Variants in SDK1 observed in about 807,000 individuals in gnomAD.
The protein encoded by SDK1 is protein sidekick-1.
Under a neutral mutation model 245.5 loss-of-function variants are expected in SDK1, and 157 were observed. The observed-to-expected ratio is 0.64, with a 90% confidence interval of 0.56 to 0.73. The LOEUF is 0.73. Among genes scored for constraint, SDK1 ranks in the 30% least tolerant of loss-of-function variants. The pLI, the probability that SDK1 is intolerant of heterozygous loss-of-function variation, is 0.00. For synonymous variants in SDK1, 1,647 were observed against 1,278.5 expected (o/e 1.29, Z -6.15); for missense variants, 3,583 against 3,002.3 (o/e 1.19, Z -4.52).
At chr7:3,435,474 G>A (rs1779995720) in intron 1 of SDK1, among the ~76,000 whole-genome samples, 1 of 150,934 alleles carries the variant, frequency 6.6e-6, no homozygotes, top group African/African-American at 2.4e-5. Flanking sequence ...GGGACTACAG[G>A]CACAGACAGT....
intron 4 of SDK1, among the ~76,000 whole-genome samples, chr7:3,697,023 ATATAC>A (rs1784594244): frequency 6.6e-6 from 1 of 152,184 alleles, no homozygotes; most frequent in African/African-American, 2.4e-5. Context: ...CTTGAATGAG[ATATAC>A]TCTCTCAGGT....
intron 1 of SDK1, among the ~76,000 whole-genome samples, chr7:3,351,514 G>T (rs991378528): frequency 2.6e-5 from 4 of 151,950 alleles, no homozygotes; most frequent in Admixed American, 6.6e-5. Context: ...ACGTCAGATT[G>T]GATTAAAAAC....
intron 38 of SDK1, among the ~76,000 whole-genome samples, chr7:4,211,136 G>C (rs1263698096): frequency 1.3e-5 from 2 of 152,112 alleles, no homozygotes; most frequent in African/African-American, 4.8e-5. Flanking sequence ...AGGATCCCTC[G>C]GGCCCAATCC....
At chr7:4,022,430 C>A (rs974110810) in intron 17 of SDK1, among the ~76,000 whole-genome samples, 1 of 152,104 alleles carries the variant, frequency 6.6e-6, no homozygotes, top group African/African-American at 2.4e-5. Context: ...TCCGAATGCC[C>A]GGGAAAGATG....
At chr7:4,208,330 G>C (rs533990735) in intron 37 of SDK1, 45 bp downstream of exon 37, 3 of 1,570,222 alleles carry the variant, frequency 1.9e-6, no homozygotes, top group Non-Finnish European at 2.6e-6. Context: ...CCTTGGACAC[G>C]TGTTTTGAGA....
At chr7:4,250,454 A>G (rs1562481561) in intron 44 of SDK1, among the ~76,000 whole-genome samples, 1 of 151,896 alleles carries the variant, frequency 6.6e-6, no homozygotes, top group Non-Finnish European at 1.5e-5. Flanking sequence ...AGCAATTCTC[A>G]TGCCTCGGCT....
chr7:4,250,813 T>C (rs764458114), intron 44 of SDK1, among the ~76,000 whole-genome samples: 2 of 152,212 alleles, frequency 1.3e-5, no homozygotes, highest in South Asian at 2.1e-4. Flanking sequence ...TCATATATCA[T>C]ATAATTTGCC....
chr7:3,797,458 T>TACACACACAC (rs34376723), intron 4 of SDK1, among the ~76,000 whole-genome samples: 4 of 147,494 alleles, frequency 2.7e-5, no homozygotes, highest in South Asian at 2.2e-4. Context: ...GGGGTGTGTA[T>TACACACACAC]ACACACACAC....
At chr7:4,184,293 C>G (rs1229830605) in intron 35 of SDK1, among the ~76,000 whole-genome samples, 1 of 152,194 alleles carries the variant, frequency 6.6e-6, no homozygotes, top group African/African-American at 2.4e-5. Context: ...GCGTGCAGGT[C>G]CAAGCGTCGG....
In SDK1 at chr7:3,962,569, T is replaced by C. The variant is rs1025061927; in HGVS notation, c.1235-88T>C. The C allele has an allele frequency of 8.8e-6, 10 of 1,142,080 alleles. No individual in the cohort carries two copies. The African/African-American group carries it at 1.1e-4, about 13-fold the overall frequency. The allele number at this position is 1,142,080 out of a possible 1,614,324, so 70.7% of individuals were successfully genotyped here. A position where few individuals can be genotyped will look rare whatever the true frequency, so the allele number is the denominator to read the frequency against. On this transcript the variant is annotated intron_variant, in intron 8 of 44. Transcript: ENST00000404826. ...ACACAAGAAAATGCCTATTAAAATA[T>C]TGGCATTCTAGCCTTTGAAACAGAT...
chr7:3,540,715 G>C (rs1195430768), intron 1 of SDK1, among the ~76,000 whole-genome samples: 1 of 152,140 alleles, frequency 6.6e-6, no homozygotes, highest in Non-Finnish European at 1.5e-5. Flanking sequence ...GTATCACTTG[G>C]ACCAAACTTG....
chr7:3,761,210 C>G (rs1415607298), intron 4 of SDK1, among the ~76,000 whole-genome samples: 1 of 140,442 alleles, frequency 7.1e-6, no homozygotes, highest in Admixed American at 7.2e-5. Flanking sequence ...TGATTTTTTT[C>G]TAATTTCATT....
At chr7:3,796,196 G>C (rs539577318) in intron 4 of SDK1, among the ~76,000 whole-genome samples, 2 of 152,214 alleles carry the variant, frequency 1.3e-5, no homozygotes, top group Non-Finnish European at 2.9e-5. Flanking sequence ...AATTGAATTT[G>C]TGTAGGTTAA....
chr7:4,182,848 G>A (rs1584391257), intron 35 of SDK1, among the ~76,000 whole-genome samples: 1 of 152,168 alleles, frequency 6.6e-6, no homozygotes, highest in African/African-American at 2.4e-5. Flanking sequence ...CAGGAGCCGG[G>A]GTTCACACAA....
At chr7:3,637,078 C>T (rs929534754) in intron 2 of SDK1, among the ~76,000 whole-genome samples, 13 of 143,312 alleles carry the variant, frequency 9.1e-5, no homozygotes, top group African/African-American at 3.0e-4. Flanking sequence ...AGAGAGAGTG[C>T]GTGCGCGCGT....
chr7:4,241,162 G>A (rs889624219), intron 42 of SDK1, among the ~76,000 whole-genome samples: 2 of 152,120 alleles, frequency 1.3e-5, no homozygotes, highest in East Asian at 1.9e-4. Flanking sequence ...GCACAGGTAC[G>A]TGCAGTCATG....
chr7:3,825,433 C>G (rs553819113), intron 5 of SDK1, among the ~76,000 whole-genome samples: 1 of 151,782 alleles, frequency 6.6e-6, no homozygotes, highest in Non-Finnish European at 1.5e-5. Flanking sequence ...CAGTTCTGAT[C>G]CAATATTCAA....
Position 3,353,754 on chromosome 7 carries a change from C to G in SDK1, c.298+51870C>G, listed in dbSNP as rs965488728. Among the ~76,000 whole-genome samples the G allele has an allele frequency of 2.0e-5, 3 of 152,160 alleles. No homozygotes were observed. In the East Asian group the frequency reaches 5.8e-4, roughly 29 times the overall value. ...ACAGTTCATGGTTAAAGGGAGCATG[C>G]TTCCTTTTGCTGGTGAAGGAACATT... On this transcript the variant is annotated intron_variant, in intron 1 of 44. Transcript: ENST00000404826.
At chr7:4,054,369 C>T (rs536813970) in intron 19 of SDK1, among the ~76,000 whole-genome samples, 5 of 152,214 alleles carry the variant, frequency 3.3e-5, no homozygotes, top group East Asian at 3.8e-4. Flanking sequence ...TATTGCATCA[C>T]GTCCAGGATA....
Sources: gnomAD v4.1 joint callset for allele counts (sites outside exome capture counted in the v4.1 genomes callset) on GRCh38, gnomAD v4.1.1 for gene constraint, MANE v1.5 for transcripts, NCBI Gene and HGNC (gene_info 2026-07-23, HGNC 2026-07-21) for gene names.